The following EZR variants were observed in gnomAD, a reference collection of about 807,000 sequenced individuals.
The protein encoded by EZR is cytovillin 2.
EZR carries 40 observed loss-of-function variants against 74.8 expected under a neutral mutation model. The ratio of observed to expected loss-of-function variants is 0.53; its 90% confidence interval spans 0.42 to 0.70. EZR has a LOEUF of 0.70. EZR is among the 30% of genes least tolerant of loss of function. The pLI is 0.00. For synonymous variants in EZR, 341 were observed against 283.3 expected (o/e 1.20, Z -2.05); for missense variants, 678 against 755.8 (o/e 0.90, Z 1.21).
At chr6:158,767,574 G>A in intron 12 of EZR, 62 bp from the exon 13 acceptor site, 4 of 1,501,418 alleles carry the variant, frequency 2.7e-6, no homozygotes, top group Non-Finnish European at 3.6e-6. Flanking sequence ...CTGGCTATGA[G>A]AACAGACTGT....
At position 158,767,434 on chromosome 6, in the gene EZR, G is replaced by T; in HGVS notation, c.1423C>A (p.Pro475Thr). The T allele has an allele frequency of 6.2e-7, 1 of 1,613,240 alleles. No individual in the cohort carries two copies. Among genetic ancestry groups the T allele is most frequent in the Non-Finnish European group, 8.5e-7 (1 of 1,179,544 alleles). The part of the protein sequence containing the change: ...LVMTAPPPPP[P>T]PVYEPVSYHV... ...TAGCTCACCGGCTCGTACACGGGGG[G>T]TGGTGGGGGCGGGGGTGCTGTCATC... The change falls in exon 13 of 14, where the codon CCC (proline) becomes ACC (threonine). Residue 475 changes from proline to threonine, a missense_variant. Coordinates refer to ENST00000367075, the MANE Select transcript of EZR (RefSeq NM_001111077.2).
intron 2 of EZR, among the ~76,000 whole-genome samples, chr6:158,795,365 A>ATCTCAAGGAG (rs1193298904): frequency 6.6e-6 from 1 of 152,124 alleles, no homozygotes; most frequent in Admixed American, 6.5e-5. Flanking sequence ...CAAGGCGAGG[A>ATCTCAAGGAG]GTTTGAGACT....
chr6:158,795,361 G>A (rs1052778945), intron 2 of EZR, among the ~76,000 whole-genome samples: 9 of 152,040 alleles, frequency 5.9e-5, no homozygotes, highest in South Asian at 2.1e-4. Flanking sequence ...ATCTCAAGGC[G>A]AGGAGTTTGA....
intron 4 of EZR, among the ~76,000 whole-genome samples, chr6:158,786,543 C>T (rs1356928030): frequency 6.6e-6 from 1 of 152,134 alleles, no homozygotes; most frequent in African/African-American, 2.4e-5. Context: ...ACATGCCAAT[C>T]GGGCCCTGGA....
At chr6:158,812,491 A>G (rs923634788) in intron 2 of EZR, among the ~76,000 whole-genome samples, 1 of 152,210 alleles carries the variant, frequency 6.6e-6, no homozygotes, top group Non-Finnish European at 1.5e-5. Flanking sequence ...TTGTGTACAC[A>G]AAATTTTGAG....
chr6:158,770,035 C>T (rs1181201566), intron 10 of EZR, 91 bp from the exon 11 acceptor site: 2 of 1,530,822 alleles, frequency 1.3e-6, no homozygotes, highest in Admixed American at 1.9e-5. Flanking sequence ...AGCCACAGAG[C>T]CCTAGACCAA....
intron 3 of EZR, among the ~76,000 whole-genome samples, chr6:158,789,061 A>C (rs1325886868): frequency 1.3e-5 from 2 of 152,228 alleles, no homozygotes; most frequent in Non-Finnish European, 2.9e-5. Context: ...TTTATACAAC[A>C]GACAGCTGTG....
rs1283768019 is a variant in EZR, at chr6:158,771,307, G to A, written c.896C>T (p.Thr299Ile). Residue 299 changes from threonine (T) to isoleucine (I), a missense_variant, in exon 9 of 14, where the codon ACC (threonine) becomes ATC (isoleucine). Transcript: ENST00000367075. ...GGCCTTCATCTGCTGCACCTCGATG[G>A]TGTCAGGCTTCCTGCGGCGCATATA... ...ELYMRRRKPD[T>I]IEVQQMKAQA... 6.2e-7 allele frequency: 1 copy of A among 1,614,070 alleles called. No individual in the cohort carries two copies. Among genetic ancestry groups the A allele is most frequent in the African/African-American group, 1.3e-5 (1 of 74,936 alleles).
At position 158,785,323 on chromosome 6, in the gene EZR, C is replaced by T. The variant is rs557813758; in HGVS notation, c.453G>A (p.Arg151=). Residue 151 remains arginine (R), a synonymous_variant, in exon 5 of 14, where the codon CGG becomes CGA. Transcript: ENST00000367075. ...VHKSGYLSSE[R]LIPQRVMDQH... is the part of the protein sequence containing the mutation. ...CCTGTGCTCACCTTTGAGGGATCAG[C>T]CGCTCAGAGCTGAGGTACCCAGACT... 1 of 1,613,980 alleles carries T rather than the reference C, an allele frequency of 6.2e-7. No individual in the cohort carries two copies.
chr6:158,792,384 G>C (rs1468061451), intron 2 of EZR, among the ~76,000 whole-genome samples: 1 of 152,104 alleles, frequency 6.6e-6, no homozygotes, highest in Admixed American at 6.5e-5. Flanking sequence ...GCTAAATTTT[G>C]TAATTTTAGT....
intron 2 of EZR, among the ~76,000 whole-genome samples, chr6:158,812,133 G>A (rs1238579611): frequency 1.3e-5 from 2 of 152,182 alleles, no homozygotes; most frequent in African/African-American, 4.8e-5. Flanking sequence ...GTATAGGTAA[G>A]CAGTAAATTA....
rs534824777 is a variant in EZR, at chr6:158,768,854, C to T, written c.1344+472G>A. 1.1e-4 allele frequency among the ~76,000 whole-genome samples: 16 copies of T among 152,326 alleles called. No individual in the cohort carries two copies. The South Asian group carries it at 3.3e-3, about 32-fold the overall frequency. On this transcript the variant is annotated intron_variant, in intron 12 of 13. Coordinates refer to ENST00000367075, the MANE Select transcript of EZR (RefSeq NM_001111077.2). ...CCCAAATAGCTGATGAGCAGCAGAG[C>T]CCAGCTCTCACTCCAGCCTGGAGAC... is the stretch of plus-strand genomic sequence containing the variant.
At chr6:158,781,670 T>C (rs1217178948) in intron 7 of EZR, among the ~76,000 whole-genome samples, 1 of 152,226 alleles carries the variant, frequency 6.6e-6, no homozygotes, top group Non-Finnish European at 1.5e-5. Context: ...CTTTGTGCAC[T>C]GCTCCTTGGC....
At chr6:158,806,804 A>G (rs3123130) in intron 2 of EZR, among the ~76,000 whole-genome samples, 79,322 of 152,016 alleles carry the variant, frequency 0.52, 21,696 homozygotes, top group Non-Finnish European at 0.61. Flanking sequence ...AAATCCATTT[A>G]AGAGTCTCAC....
intron 2 of EZR, among the ~76,000 whole-genome samples, chr6:158,815,074 G>C (rs533176980): frequency 6.6e-6 from 1 of 152,290 alleles, no homozygotes; most frequent in African/African-American, 2.4e-5. Context: ...CCTTAATCCA[G>C]TTGTTAAACA....
At chr6:158,818,196 C>A in intron 1 of EZR, 30 bp from the exon 2 acceptor site, 1 of 1,298,390 alleles carries the variant, frequency 7.7e-7, no homozygotes, top group South Asian at 1.4e-5. Flanking sequence ...CTTAGAGCGC[C>A]CGCCCGCCCT....
Position 158,770,026 on chromosome 6 carries a change from G to A in EZR, c.1091-82C>T, listed in dbSNP as rs190137224. The A allele has an allele frequency of 1.8e-4, 274 of 1,560,984 alleles. 1 individual carries two copies. In the Admixed American group the frequency reaches 3.9e-3, roughly 22 times the overall value. On this transcript the variant is annotated intron_variant, in intron 10 of 13. Coordinates refer to ENST00000367075, the MANE Select transcript of EZR (RefSeq NM_001111077.2). ...CTCGCTTTCCATTCCCACCCCCAAA[G>A]CCACAGAGCCCTAGACCAAGTCACA...
rs1031114602 is a variant in EZR at position 158,818,159 on chromosome 6, G to T, written c.-66C>A. The T allele has an allele frequency of 1.4e-5, 22 of 1,586,622 alleles. No homozygotes were observed. In the African/African-American group the frequency reaches 2.2e-4, roughly 16 times the overall value. ...ACTATCCAGCAGCAGCGAAGACGCT[G>T]TCCCAACCTGGAGTCAGAGCAGAAC... On this transcript the variant is annotated 5_prime_UTR_variant, in exon 2 of 14. Transcript: ENST00000367075.
chr6:158,775,957 C>A (rs1791265134), intron 8 of EZR, among the ~76,000 whole-genome samples: 1 of 152,142 alleles, frequency 6.6e-6, no homozygotes, highest in African/African-American at 2.4e-5. Context: ...TGGGTGAAGC[C>A]CCGATGAAAC....
Sources: gnomAD v4.1 joint callset for allele counts (sites outside exome capture counted in the v4.1 genomes callset) on GRCh38, gnomAD v4.1.1 for gene constraint, MANE v1.5 for transcripts, NCBI Gene and HGNC (gene_info 2026-07-23, HGNC 2026-07-21) for gene names.